Variants in LOC128706665 observed in about 807,000 individuals in gnomAD.
At chr20:10,429,009 A>G in the LOC128706665 span, among the ~76,000 whole-genome samples, 2 of 152,136 alleles carry the variant, frequency 1.3e-5, no homozygotes, top group Admixed American at 6.5e-5. Context: ...TCTCTTTTGC[A>G]TAACTATGAC....
the LOC128706665 span, among the ~76,000 whole-genome samples, chr20:10,426,483 T>C: frequency 6.6e-6 from 1 of 151,380 alleles, no homozygotes; most frequent in Admixed American, 6.6e-5. Flanking sequence ...TCGGCTCACC[T>C]CCGCATGCCA....
At chr20:10,417,492 T>C in the LOC128706665 span, among the ~76,000 whole-genome samples, 1 of 152,158 alleles carries the variant, frequency 6.6e-6, no homozygotes, top group African/African-American at 2.4e-5. Flanking sequence ...ATGCCTATAG[T>C]CCCAGCTACT....
chr20:10,424,573 C>T, the LOC128706665 span, among the ~76,000 whole-genome samples: 185 of 151,412 alleles, frequency 1.2e-3, no homozygotes, highest in African/African-American at 4.2e-3. Context: ...AAGCTCATTG[C>T]TAGTTTTACA....
the LOC128706665 span, among the ~76,000 whole-genome samples, chr20:10,416,932 C>T: frequency 6.6e-6 from 1 of 152,118 alleles, no homozygotes; most frequent in African/African-American, 2.4e-5. Flanking sequence ...GGTATAGACA[C>T]TATATGATCT....
At chr20:10,427,255 A>G in the LOC128706665 span, among the ~76,000 whole-genome samples, 1 of 152,104 alleles carries the variant, frequency 6.6e-6, no homozygotes, top group Non-Finnish European at 1.5e-5. Context: ...GTTACATCAA[A>G]TGTTCTCATT....
At chr20:10,416,724 T>C in the LOC128706665 span, among the ~76,000 whole-genome samples, 2 of 152,200 alleles carry the variant, frequency 1.3e-5, no homozygotes, top group Non-Finnish European at 2.9e-5. Context: ...AATGATAGAA[T>C]TTGAGCAGCA....
chr20:10,415,878 T>C, the LOC128706665 span, among the ~76,000 whole-genome samples: 1 of 152,082 alleles, frequency 6.6e-6, no homozygotes, highest in South Asian at 2.1e-4. Flanking sequence ...GACAAAGAAA[T>C]CACTGAAAGT....
the LOC128706665 span, among the ~76,000 whole-genome samples, chr20:10,430,292 C>T: frequency 3.3e-5 from 5 of 152,208 alleles, no homozygotes; most frequent in Non-Finnish European, 7.3e-5. Context: ...TCACTTACCA[C>T]TTTACAACTG....
the LOC128706665 span, among the ~76,000 whole-genome samples, chr20:10,433,011 A>G: frequency 5.3e-3 from 805 of 152,188 alleles, 2 homozygotes; most frequent in Non-Finnish European, 7.2e-3. Context: ...GAATGTTTTT[A>G]TTTATTTATT....
the LOC128706665 span, chr20:10,413,710 A>G: frequency 1.6e-6 from 1 of 625,018 alleles, no homozygotes; most frequent in Non-Finnish European, 2.8e-6. Flanking sequence ...ATGACAAATT[A>G]GTAATTCCAA....
At chr20:10,430,865 T>C in the LOC128706665 span, among the ~76,000 whole-genome samples, 2 of 152,358 alleles carry the variant, frequency 1.3e-5, no homozygotes, top group South Asian at 4.1e-4. Flanking sequence ...AATCCTACAA[T>C]GACTGAAACT....
At chr20:10,416,124 T>C in the LOC128706665 span, among the ~76,000 whole-genome samples, 1 of 152,136 alleles carries the variant, frequency 6.6e-6, no homozygotes, top group African/African-American at 2.4e-5. Context: ...GTCCTGACTA[T>C]TCTTGGATGC....
At chr20:10,431,095 T>G in the LOC128706665 span, among the ~76,000 whole-genome samples, 2 of 152,182 alleles carry the variant, frequency 1.3e-5, no homozygotes, top group African/African-American at 2.4e-5. Context: ...GCCTAGCATG[T>G]GGGAAGTGCT....
chr20:10,427,533 T>A, the LOC128706665 span, among the ~76,000 whole-genome samples: 1 of 152,242 alleles, frequency 6.6e-6, no homozygotes, highest in South Asian at 2.1e-4. Flanking sequence ...TAGGTATTTG[T>A]GAATTCTTCA....
chr20:10,424,903 A>G, the LOC128706665 span, among the ~76,000 whole-genome samples: 37 of 152,116 alleles, frequency 2.4e-4, no homozygotes, highest in Admixed American at 2.4e-3. Context: ...AATACAAAAA[A>G]TTAGGCTGGT....
At chr20:10,417,716 A>T in the LOC128706665 span, among the ~76,000 whole-genome samples, 1 of 152,210 alleles carries the variant, frequency 6.6e-6, no homozygotes, top group Admixed American at 6.5e-5. Context: ...ATCAGACATT[A>T]TATATGAAAC....
chr20:10,431,531 C>A, the LOC128706665 span, among the ~76,000 whole-genome samples: 3 of 74,620 alleles, frequency 4.0e-5, no homozygotes, highest in African/African-American at 2.7e-4. Flanking sequence ...GGTCAAAAAA[C>A]CAAACCAAAC....
chr20:10,431,347 A>T, the LOC128706665 span, among the ~76,000 whole-genome samples: 8 of 152,282 alleles, frequency 5.3e-5, no homozygotes, highest in East Asian at 1.5e-3. Flanking sequence ...TCAAATATGT[A>T]CAAGATTAAT....
At chr20:10,431,364 C>T in the LOC128706665 span, among the ~76,000 whole-genome samples, 2 of 152,006 alleles carry the variant, frequency 1.3e-5, no homozygotes, top group African/African-American at 4.8e-5. Context: ...TAATTCTATC[C>T]AAATGCTCAC....
Sources: allele counts gnomAD v4.1 joint callset (sites outside exome capture counted in the v4.1 genomes callset), GRCh38; gene constraint gnomAD v4.1.1; transcripts MANE v1.5.